Variants in MEIS1 observed in about 807,000 individuals in gnomAD.
The protein encoded by MEIS1 is Meis homeobox 1, also known as homeobox protein Meis1.
Under a neutral mutation model 50.8 loss-of-function variants are expected in MEIS1, and 5 were observed. That is an observed-to-expected ratio of 0.10 (90% CI 0.05 to 0.21). The LOEUF (loss-of-function observed/expected upper bound fraction) is 0.21, where lower values mean the gene tolerates loss of function less well. MEIS1 is among the 10% of genes least tolerant of loss of function. The probability of loss-of-function intolerance (pLI) is 1.00; values close to 1 mark genes in which losing one functional copy is unlikely to be tolerated. For missense variants in MEIS1, 318 were observed against 517.3 expected (o/e 0.61, Z 3.74); for synonymous variants, 176 against 179.3 (o/e 0.98, Z 0.15).
chr2:66,547,266 C>G (rs1231985325), intron 8 of MEIS1, among the ~76,000 whole-genome samples: 2 of 152,154 alleles, frequency 1.3e-5, no homozygotes, highest in African/African-American at 4.8e-5. Context: ...TCTACTATGA[C>G]TCTTGAGGAA....
At chr2:66,503,558 TTTTG>T (rs1322930257) in intron 7 of MEIS1, among the ~76,000 whole-genome samples, 2 of 152,206 alleles carry the variant, frequency 1.3e-5, no homozygotes, top group African/African-American at 4.8e-5. Flanking sequence ...ACTGTAATTA[TTTTG>T]TTTAACTTTA....
Position 66,435,743 on chromosome 2 carries a change from CTTTTTTTT to C in MEIS1, c.-97_-90del, listed in dbSNP as rs70943697. The C allele has an allele frequency of 6.5e-4, 220 of 336,036 alleles. No individual in the cohort carries two copies. Among genetic ancestry groups the C allele is most frequent in the South Asian group, 1.9e-3 (26 of 14,020 alleles). 20.8% of individuals were successfully genotyped at this position (336,036 alleles called of 1,614,324 possible). ...AGACGTTAAGGGATTTTTCGTCGTGCTTTTTTTTTTTTTTTTTTTTTTTTCCGGGGGAG... is the reference window on the plus strand; with the variant it reads ...AGACGTTAAGGGATTTTTCGTCGTGCTTTTTTTTTTTTTTTTCCGGGGGAG... On this transcript the variant is annotated 5_prime_UTR_variant, in exon 1 of 13. Coordinates refer to ENST00000272369, the MANE Select transcript of MEIS1 (RefSeq NM_002398.3).
At position 66,549,162 on chromosome 2, in the gene MEIS1, A is replaced by G. The variant is rs528112025; in HGVS notation, c.965+1143A>G. 7.2e-4 allele frequency among the ~76,000 whole-genome samples: 110 copies of G among 152,306 alleles called. 1 individual carries two copies. In the South Asian group the frequency reaches 0.022, roughly 31 times the overall value. On this transcript the variant is annotated intron_variant, in intron 9 of 12. Transcript: ENST00000272369. Reference sequence around the variant, plus strand: ...AATCCCATGTATTCTTCAATTTAGTATTTTAGAGATAACAAGCTACTTACA... The same window carrying G: ...AATCCCATGTATTCTTCAATTTAGTGTTTTAGAGATAACAAGCTACTTACA...
At chr2:66,505,327 G>C (rs1673660953) in intron 7 of MEIS1, among the ~76,000 whole-genome samples, 1 of 152,154 alleles carries the variant, frequency 6.6e-6, no homozygotes, top group Non-Finnish European at 1.5e-5. Flanking sequence ...GATCCCTTGA[G>C]CCCAGGAGTT....
At chr2:66,495,468 A>C (rs1002924617) in intron 7 of MEIS1, among the ~76,000 whole-genome samples, 2 of 152,174 alleles carry the variant, frequency 1.3e-5, no homozygotes, top group African/African-American at 4.8e-5. Context: ...TATAACAGAG[A>C]TGCCTGACTT....
intron 7 of MEIS1, among the ~76,000 whole-genome samples, chr2:66,503,837 C>T (rs1185790292): frequency 1.4e-5 from 2 of 147,458 alleles, no homozygotes; most frequent in South Asian, 2.2e-4. Flanking sequence ...CTCTGCCTCC[C>T]GGGTTCGCGC....
At chr2:66,553,122 C>T (rs113716007) in intron 9 of MEIS1, among the ~76,000 whole-genome samples, 11 of 152,254 alleles carry the variant, frequency 7.2e-5, no homozygotes, top group African/African-American at 2.4e-4. Flanking sequence ...AAAGTGTGGG[C>T]TGTATGGTGA....
intron 6 of MEIS1, among the ~76,000 whole-genome samples, chr2:66,462,710 C>T (rs557006932): frequency 2.0e-5 from 3 of 152,270 alleles, no homozygotes; most frequent in South Asian, 2.1e-4. Flanking sequence ...CTGCAGAATG[C>T]GTGTGTGCAA....
At chr2:66,450,148 C>T (rs1167618807) in intron 6 of MEIS1, among the ~76,000 whole-genome samples, 5 of 152,064 alleles carry the variant, frequency 3.3e-5, no homozygotes, top group South Asian at 2.1e-4. Flanking sequence ...ATGTGGCATA[C>T]GCTAATGGAG....
chr2:66,470,867 A>G (rs1325774024), intron 7 of MEIS1, among the ~76,000 whole-genome samples: 1 of 152,234 alleles, frequency 6.6e-6, no homozygotes, highest in African/African-American at 2.4e-5. Flanking sequence ...ATAAAAGAAT[A>G]TGTAAAAGAC....
intron 7 of MEIS1, among the ~76,000 whole-genome samples, chr2:66,472,336 T>C (rs1019494470): frequency 3.9e-5 from 6 of 152,216 alleles, no homozygotes; most frequent in Non-Finnish European, 7.3e-5. Context: ...AGTTTAGAAT[T>C]ATAATCTCTC....
intron 9 of MEIS1, among the ~76,000 whole-genome samples, chr2:66,552,831 A>G (rs1323184022): frequency 6.6e-6 from 1 of 152,222 alleles, no homozygotes; most frequent in East Asian, 1.9e-4. Flanking sequence ...ACCTGTTTAG[A>G]TGTAAATGTT....
chr2:66,530,258 T>C (rs1047372605), intron 8 of MEIS1, among the ~76,000 whole-genome samples: 43 of 150,864 alleles, frequency 2.9e-4, no homozygotes, highest in African/African-American at 8.5e-4. Context: ...TGAGAATACA[T>C]ATAGAAGTAG....
intron 6 of MEIS1, among the ~76,000 whole-genome samples, chr2:66,456,254 ACACACACG>A (rs1672386969): frequency 6.6e-6 from 1 of 151,236 alleles, no homozygotes. Context: ...ACACACACAC[ACACACACG>A]TTTATTTGCA....
At chr2:66,544,759 C>T (rs1449010605) in intron 8 of MEIS1, among the ~76,000 whole-genome samples, 2 of 152,054 alleles carry the variant, frequency 1.3e-5, no homozygotes, top group African/African-American at 4.8e-5. Flanking sequence ...GTTCCAATTA[C>T]TTAAAATCAG....
chr2:66,545,610 T>C (rs1674771471), intron 8 of MEIS1, among the ~76,000 whole-genome samples: 1 of 152,190 alleles, frequency 6.6e-6, no homozygotes, highest in Admixed American at 6.5e-5. Flanking sequence ...ATAGACCTAC[T>C]GTATATCAAG....
intron 7 of MEIS1, among the ~76,000 whole-genome samples, chr2:66,484,564 T>C (rs1673092071): frequency 6.6e-6 from 1 of 151,974 alleles, no homozygotes; most frequent in African/African-American, 2.4e-5. Flanking sequence ...CTTTTATTTA[T>C]TTATTTTTTT....
At chr2:66,533,157 C>T (rs1465420130) in intron 8 of MEIS1, among the ~76,000 whole-genome samples, 1 of 152,176 alleles carries the variant, frequency 6.6e-6, no homozygotes, top group Non-Finnish European at 1.5e-5. Context: ...TCCCTTTTCT[C>T]GAGAGCACAC....
chr2:66,484,554 C>G (rs1368786074), intron 7 of MEIS1, among the ~76,000 whole-genome samples: 1 of 151,750 alleles, frequency 6.6e-6, no homozygotes, highest in African/African-American at 2.4e-5. Context: ...TTCTTTCTTT[C>G]TTTTATTTAT....
Sources: allele counts gnomAD v4.1 joint callset (sites outside exome capture counted in the v4.1 genomes callset), GRCh38; gene constraint gnomAD v4.1.1; transcripts MANE v1.5; gene names NCBI Gene and HGNC (gene_info 2026-07-23, HGNC 2026-07-21).